ERC2: variants seen among roughly 807,000 people sequenced by gnomAD.
ERC2 encodes ELKS/RAB6-interacting/CAST family member 2, also known as ERC protein 2.
In ERC2, 42 loss-of-function variants were observed where a neutral mutation model predicts 114.8. That is an observed-to-expected ratio of 0.37 (90% CI 0.29 to 0.47). The LOEUF is 0.47. Ranked by LOEUF, ERC2 falls within the 20% of genes least tolerant of loss-of-function variation. The pLI is 0.99. For missense variants in ERC2, 939 were observed against 1,150.7 expected (o/e 0.82, Z 2.66); for synonymous variants, 454 against 425.5 (o/e 1.07, Z -0.82).
chr3:55,688,976 T>G (rs1236234906), intron 16 of ERC2, among the ~76,000 whole-genome samples: 1 of 152,188 alleles, frequency 6.6e-6, no homozygotes, highest in Non-Finnish European at 1.5e-5. Flanking sequence ...GGTTTATTCT[T>G]CTACACCCCA....
intron 1 of ERC2, among the ~76,000 whole-genome samples, chr3:56,462,678 A>AT (rs1175732028): frequency 5.3e-5 from 8 of 152,180 alleles, no homozygotes; most frequent in Non-Finnish European, 1.2e-4. Flanking sequence ...TGGTTGGGCA[A>AT]GTCCTTAACC....
At chr3:55,529,316 T>C (rs1875110) in intron 17 of ERC2, among the ~76,000 whole-genome samples, 4,669 of 152,332 alleles carry the variant, frequency 0.031, 95 homozygotes, top group Middle Eastern at 0.054. Flanking sequence ...AATTTTCCAG[T>C]GAGCTCCTGG....
chr3:55,906,156 G>A (rs1222951289), intron 13 of ERC2, among the ~76,000 whole-genome samples: 1 of 146,688 alleles, frequency 6.8e-6, no homozygotes, highest in African/African-American at 2.5e-5. Context: ...AACAATACCT[G>A]ATGTTTATGC....
intron 6 of ERC2, 40 bp downstream of exon 6, chr3:56,139,469 C>T: frequency 6.3e-7 from 1 of 1,575,248 alleles, no homozygotes; most frequent in Non-Finnish European, 8.6e-7. Context: ...TCTATCAATT[C>T]AATGTCTCTG....
At chr3:56,103,249 G>A (rs2078455224) in intron 6 of ERC2, among the ~76,000 whole-genome samples, 1 of 152,174 alleles carries the variant, frequency 6.6e-6, no homozygotes, top group Admixed American at 6.6e-5. Context: ...TGATATGCCT[G>A]CAGAATTCAA....
chr3:55,571,122 G>GCC (rs2056684220), intron 17 of ERC2, among the ~76,000 whole-genome samples: 1 of 64,840 alleles, frequency 1.5e-5, no homozygotes, highest in Non-Finnish European at 2.9e-5. Flanking sequence ...GCGAGACTCC[G>GCC]TCAAAAAAAA....
intron 17 of ERC2, among the ~76,000 whole-genome samples, chr3:55,630,415 C>T (rs913732450): frequency 3.9e-5 from 6 of 152,104 alleles, no homozygotes; most frequent in African/African-American, 9.7e-5. Flanking sequence ...GTGATTCACC[C>T]GCCTCGACCT....
chr3:55,901,691 C>T (rs1431733616), intron 13 of ERC2, among the ~76,000 whole-genome samples: 2 of 152,182 alleles, frequency 1.3e-5, no homozygotes, highest in East Asian at 1.9e-4. Flanking sequence ...GTCAACTGTG[C>T]CAAATAACAT....
chr3:55,874,468 T>C (rs2062731868), intron 14 of ERC2, among the ~76,000 whole-genome samples: 2 of 152,184 alleles, frequency 1.3e-5, no homozygotes, highest in Admixed American at 6.5e-5. Context: ...GGTTTTGTTT[T>C]GGTGCTTTGA....
intron 14 of ERC2, among the ~76,000 whole-genome samples, chr3:55,847,671 A>C (rs1481490373): frequency 6.7e-6 from 1 of 148,736 alleles, no homozygotes; most frequent in Non-Finnish European, 1.5e-5. Context: ...GGACAGATGA[A>C]AAAAAGAAGG....
At chr3:56,424,647 A>G (rs1268985671) in intron 2 of ERC2, among the ~76,000 whole-genome samples, 1 of 152,248 alleles carries the variant, frequency 6.6e-6, no homozygotes, top group Non-Finnish European at 1.5e-5. Context: ...GTTTTCACTC[A>G]TCTCTGAAAG....
chr3:56,205,755 T>C (rs2048687293), intron 3 of ERC2, among the ~76,000 whole-genome samples: 1 of 152,156 alleles, frequency 6.6e-6, no homozygotes, highest in Non-Finnish European at 1.5e-5. Flanking sequence ...AGGAGAGCAC[T>C]GGGCAGCAAA....
intron 2 of ERC2, among the ~76,000 whole-genome samples, chr3:56,414,215 C>A (rs55663125): frequency 6.6e-6 from 1 of 152,166 alleles, no homozygotes; most frequent in Non-Finnish European, 1.5e-5. Flanking sequence ...CTACTGGGAA[C>A]TTTTCTGCCT....
intron 16 of ERC2, among the ~76,000 whole-genome samples, chr3:55,687,923 C>T (rs1330668609): frequency 6.6e-6 from 1 of 152,238 alleles, no homozygotes; most frequent in Non-Finnish European, 1.5e-5. Context: ...CACCGAGCCT[C>T]ATCAGGGTAC....
At chr3:55,970,813 G>A (rs746801864) in intron 12 of ERC2, among the ~76,000 whole-genome samples, 11 of 152,194 alleles carry the variant, frequency 7.2e-5, no homozygotes, top group African/African-American at 9.6e-5. Flanking sequence ...TAGTTACCAC[G>A]GGACACAGCA....
At chr3:56,327,471 C>T (rs1039958080) in intron 2 of ERC2, among the ~76,000 whole-genome samples, 2 of 152,144 alleles carry the variant, frequency 1.3e-5, no homozygotes, top group East Asian at 3.9e-4. Flanking sequence ...GGTATGGACA[C>T]AAAGCCTAAC....
intron 17 of ERC2, among the ~76,000 whole-genome samples, chr3:55,643,714 G>A (rs930287493): frequency 7.2e-5 from 11 of 152,132 alleles, no homozygotes; most frequent in Non-Finnish European, 1.6e-4. Flanking sequence ...TTAAACATAT[G>A]TATTACTGAA....
In ERC2 at chr3:56,343,327, T is replaced by C. The variant is rs72873473; in HGVS notation, c.658-46892A>G. On this transcript the variant is annotated intron_variant, in intron 2 of 17. Transcript: ENST00000288221. ...GAAACTCCACAAGTCCTGCTTACCA[T>C]TGTGTCCCCAATGCCTACACCAAAA... 6.5e-3 allele frequency among the ~76,000 whole-genome samples: 990 copies of C among 152,044 alleles called. 11 individuals are homozygous for C. Among genetic ancestry groups the C allele is most frequent in the African/African-American group, 0.023 (950 of 41,466 alleles).
At chr3:55,699,319 TATC>T in intron 16 of ERC2, 56 bp downstream of exon 16, 1 of 1,598,084 alleles carries the variant, frequency 6.3e-7, no homozygotes, top group South Asian at 1.1e-5. Context: ...TTATTTATTT[TATC>T]TTAAAATATC....
Sources: allele counts gnomAD v4.1 joint callset (sites outside exome capture counted in the v4.1 genomes callset), GRCh38; gene constraint gnomAD v4.1.1; transcripts MANE v1.5; gene names NCBI Gene and HGNC (gene_info 2026-07-23, HGNC 2026-07-21).